Variants in TCF4 observed in about 807,000 individuals in gnomAD.
The protein encoded by TCF4 is SL3-3 enhancer factor 2.
A neutral mutation model predicts 82.1 loss-of-function variants in TCF4; 3 were observed. That is an observed-to-expected ratio of 0.04 (90% CI 0.02 to 0.09). The LOEUF is 0.09. Ranked by LOEUF, TCF4 falls within the 10% of genes least tolerant of loss-of-function variation. The pLI, the probability that TCF4 is intolerant of heterozygous loss-of-function variation, is 1.00. For synonymous variants in TCF4, 276 were observed against 309.6 expected (o/e 0.89, Z 1.14); for missense variants, 518 against 852.7 (o/e 0.61, Z 4.89).
intron 5 of TCF4, among the ~76,000 whole-genome samples, chr18:55,417,630 C>T (rs2094568553): frequency 6.6e-6 from 1 of 152,126 alleles, no homozygotes; most frequent in African/African-American, 2.4e-5. Context: ...CTGCTAATAC[C>T]ATGTCCCAGA....
At chr18:55,547,803 G>A (rs2097219564) in intron 3 of TCF4, among the ~76,000 whole-genome samples, 1 of 152,120 alleles carries the variant, frequency 6.6e-6, no homozygotes, top group Non-Finnish European at 1.5e-5. Context: ...GGCCTCTTTA[G>A]AAAACAAACT....
chr18:55,480,527 A>C (rs2096404212), intron 3 of TCF4, among the ~76,000 whole-genome samples: 1 of 152,196 alleles, frequency 6.6e-6, no homozygotes, highest in Non-Finnish European at 1.5e-5. Context: ...TAGAATCAAC[A>C]CTTGCAAGGT....
chr18:55,561,569 T>C (rs1444441589), intron 3 of TCF4, among the ~76,000 whole-genome samples: 2 of 152,230 alleles, frequency 1.3e-5, no homozygotes, highest in Non-Finnish European at 2.9e-5. Flanking sequence ...AATATTTATC[T>C]AGTGATGTAT....
At chr18:55,401,164 C>G (rs901274528) in intron 6 of TCF4, 1 of 1,276,928 alleles carries the variant, frequency 7.8e-7, no homozygotes, top group Non-Finnish European at 1.0e-6. Flanking sequence ...GGAAGACACA[C>G]TATGGTCTGT....
At chr18:55,326,109 T>A (rs1198388446) in intron 8 of TCF4, among the ~76,000 whole-genome samples, 3 of 152,160 alleles carry the variant, frequency 2.0e-5, no homozygotes, top group Non-Finnish European at 4.4e-5. Context: ...CAAAAGCTAC[T>A]AAGACACTGG....
chr18:55,583,440 A>G (rs2097597974), intron 3 of TCF4, among the ~76,000 whole-genome samples: 1 of 152,154 alleles, frequency 6.6e-6, no homozygotes, highest in Non-Finnish European at 1.5e-5. Flanking sequence ...TACATATTCA[A>G]CTTATTAAGC....
intron 5 of TCF4, among the ~76,000 whole-genome samples, chr18:55,423,341 C>T (rs994743974): frequency 4.6e-5 from 7 of 151,662 alleles, no homozygotes; most frequent in African/African-American, 9.7e-5. Flanking sequence ...TTTGGTCTTC[C>T]GTGGTTCACG....
At chr18:55,236,489 C>T (rs923310351) in intron 15 of TCF4, among the ~76,000 whole-genome samples, 2 of 151,686 alleles carry the variant, frequency 1.3e-5, no homozygotes, top group African/African-American at 4.8e-5. Context: ...ACCCTGTTGC[C>T]TGCCACACCA....
chr18:55,389,169 C>T (rs1273370179), intron 6 of TCF4, among the ~76,000 whole-genome samples: 3 of 152,050 alleles, frequency 2.0e-5, no homozygotes, highest in Admixed American at 1.3e-4. Flanking sequence ...GGGTCATTGG[C>T]ATGGTTAATT....
At chr18:55,360,689 G>T (rs2084879907) in intron 6 of TCF4, among the ~76,000 whole-genome samples, 1 of 149,738 alleles carries the variant, frequency 6.7e-6, no homozygotes, top group African/African-American at 2.5e-5. Context: ...AGAAGCTGTT[G>T]GTTGGATTTG....
intron 15 of TCF4, among the ~76,000 whole-genome samples, chr18:55,248,475 T>A (rs7241077): frequency 0.23 from 35,676 of 152,190 alleles, 4,473 homozygotes; most frequent in East Asian, 0.32. Context: ...CCCATGACTA[T>A]GTACCAATAA....
intron 2 of TCF4, among the ~76,000 whole-genome samples, chr18:55,609,785 T>C (rs774582398): frequency 1.3e-5 from 2 of 152,132 alleles, no homozygotes; most frequent in Non-Finnish European, 2.9e-5. Context: ...CTCTGCTTGG[T>C]GCACTTTTTC....
At chr18:55,406,654 T>C (rs1477164266) in intron 5 of TCF4, among the ~76,000 whole-genome samples, 3 of 152,214 alleles carry the variant, frequency 2.0e-5, no homozygotes, top group African/African-American at 4.8e-5. Context: ...GTTTACTCTA[T>C]GTCAGGCATG....
At chr18:55,510,714 T>A in intron 3 of TCF4, 1 of 1,420,022 alleles carries the variant, frequency 7.0e-7, no homozygotes, top group African/African-American at 1.4e-5. Context: ...GCCTTTCTTT[T>A]AAGGGGCCTT....
At chr18:55,572,872 G>A (rs1280063122) in intron 3 of TCF4, among the ~76,000 whole-genome samples, 2 of 152,088 alleles carry the variant, frequency 1.3e-5, no homozygotes, top group Non-Finnish European at 2.9e-5. Context: ...TGACCAACAC[G>A]GAGAAACCCT....
intron 3 of TCF4, chr18:55,510,501 C>A: frequency 8.9e-7 from 1 of 1,126,242 alleles, no homozygotes; most frequent in South Asian, 1.8e-5. Context: ...ATTCAAACTT[C>A]TAAGGATACA....
intron 6 of TCF4, among the ~76,000 whole-genome samples, chr18:55,376,218 G>A (rs536015885): frequency 3.4e-4 from 51 of 151,934 alleles, no homozygotes; most frequent in Non-Finnish European, 6.5e-4. Context: ...TAGAGACAGG[G>A]TCTCACCATG....
chr18:55,283,939 G>C (rs1383203079), intron 8 of TCF4, among the ~76,000 whole-genome samples: 3 of 152,022 alleles, frequency 2.0e-5, no homozygotes, highest in Admixed American at 6.6e-5. Flanking sequence ...TTTTTCAAGG[G>C]GTAAAGCAAG....
chr18:55,327,953 C>A (rs2076859769), intron 8 of TCF4, among the ~76,000 whole-genome samples: 1 of 152,094 alleles, frequency 6.6e-6, no homozygotes, highest in Admixed American at 6.5e-5. Flanking sequence ...GTAAAGAATT[C>A]AATGAGTATG....
Sources: gnomAD v4.1 joint callset for allele counts (sites outside exome capture counted in the v4.1 genomes callset) on GRCh38, gnomAD v4.1.1 for gene constraint, MANE v1.5 for transcripts, NCBI Gene and HGNC (gene_info 2026-07-23, HGNC 2026-07-21) for gene names.